The following CAND2 variants were observed in gnomAD, a reference collection of about 807,000 sequenced individuals.
CAND2 encodes the protein cullin associated and neddylation dissociated 2 (putative), also known as cullin-associated NEDD8-dissociated protein 2.
Under a neutral mutation model 98.9 loss-of-function variants are expected in CAND2, and 62 were observed. That is an observed-to-expected ratio of 0.63 (90% CI 0.51 to 0.77). The LOEUF is 0.77. Among genes scored for constraint, CAND2 ranks in the 30% least tolerant of loss-of-function variants. CAND2 has a pLI of 0.00. For synonymous variants in CAND2, 770 were observed against 731.9 expected (o/e 1.05, Z -0.84); for missense variants, 1,501 against 1,655.2 (o/e 0.91, Z 1.62).
chr3:12,827,704 C>T, intron 13 of CAND2, 100 bp downstream of exon 13: 3 of 1,148,274 alleles, frequency 2.6e-6, no homozygotes, highest in Non-Finnish European at 3.7e-6. Context: ...CTACTCCAGG[C>T]ACCCAATGAA....
intron 12 of CAND2, 25 bp downstream of exon 12, chr3:12,825,664 G>A (rs1377296176): frequency 6.3e-7 from 1 of 1,574,822 alleles, no homozygotes; most frequent in Non-Finnish European, 8.6e-7. Context: ...TGGGGACCCA[G>A]GGGAAGCTGG....
chr3:12,815,081 C>A lies in CAND2; in HGVS notation c.1007-60C>A. 1 of 1,537,308 alleles carries A rather than the reference C, an allele frequency of 6.5e-7. No homozygotes were observed. The highest frequency in any genetic ancestry group is 2.3e-5 in the East Asian group (1 of 44,082). On this transcript the variant is annotated intron_variant, in intron 7 of 14. Transcript: ENST00000456430. This position sits in a 1 kb window ranked among gnomAD's most constrained non-coding sequence, Gnocchi z 5.7. ...CTCTCTCCTCCCTGTCCCTTCTCCC[C>A]CGAGCCACAGACCTGTCCTGGGAGA...
rs376708050 is a variant in CAND2 at position 12,821,155 on chromosome 3, TC to T, written c.3040+977del. Among the ~76,000 whole-genome samples, 10 of 151,310 alleles carry T rather than the reference TC, an allele frequency of 6.6e-5. No individual in the cohort carries two copies. The East Asian group carries it at 1.6e-3, about 24-fold the overall frequency. Reference sequence around the variant, plus strand: ...AGGCTGAGGCAGGAGAATCACTTGATCCCGGGAGGTGAAGGTTGCAGTGAGC... The same window carrying T: ...AGGCTGAGGCAGGAGAATCACTTGATCCGGGAGGTGAAGGTTGCAGTGAGC... On this transcript the variant is annotated intron_variant, in intron 11 of 14. Transcript: ENST00000456430.
chr3:12,811,678 T>A (rs1023650323), intron 5 of CAND2, among the ~76,000 whole-genome samples: 3 of 152,076 alleles, frequency 2.0e-5, no homozygotes, highest in African/African-American at 7.3e-5. Flanking sequence ...TTCAAGTGAT[T>A]CTCCTGTCTC....
At chr3:12,803,693 G>A in intron 2 of CAND2, 62 bp downstream of exon 2, 1 of 1,479,158 alleles carries the variant, frequency 6.8e-7, no homozygotes, top group Non-Finnish European at 9.1e-7. Flanking sequence ...GCATCCTGGG[G>A]ACCGCTGTCC....
chr3:12,824,005 A>G (rs960681428), intron 11 of CAND2, among the ~76,000 whole-genome samples: 1 of 152,152 alleles, frequency 6.6e-6, no homozygotes, highest in Admixed American at 6.5e-5. Flanking sequence ...TAACAATTCT[A>G]AAATGTTTAA....
intron 9 of CAND2, 82 bp from the exon 10 acceptor site, chr3:12,816,292 G>A (rs2061900093): frequency 1.4e-6 from 2 of 1,381,334 alleles, no homozygotes; most frequent in South Asian, 1.3e-5. Context: ...TCAGGCACTT[G>A]TAGGTACCCC....
chr3:12,833,748 A>T lies in CAND2; in HGVS notation c.3484-7A>T. On this transcript the variant is annotated splice_region_variant and splice_polypyrimidine_tract_variant and intron_variant, in intron 14 of 14. Coordinates refer to ENST00000456430, the MANE Select transcript of CAND2 (RefSeq NM_001162499.2). ...AGGATGGCTGCTTCTGCTGTTTCCTACTTTAGGTCAAAGCTGGTTCTGTGA... is the reference window on the plus strand; with the variant it reads ...AGGATGGCTGCTTCTGCTGTTTCCTTCTTTAGGTCAAAGCTGGTTCTGTGA... 6.2e-7 allele frequency: 1 copy of T among 1,611,502 alleles called. No homozygotes were observed. The highest frequency in any genetic ancestry group is 8.5e-7 in the Non-Finnish European group (1 of 1,177,696).
chr3:12,804,638 T>A (rs1575764253), intron 2 of CAND2, among the ~76,000 whole-genome samples: 2 of 151,996 alleles, frequency 1.3e-5, no homozygotes, highest in African/African-American at 4.8e-5. Flanking sequence ...TGTGGTAGGG[T>A]CATTCTCACA....
intron 1 of CAND2, among the ~76,000 whole-genome samples, chr3:12,803,176 TA>T (rs2061779066): frequency 6.6e-6 from 1 of 152,078 alleles, no homozygotes; most frequent in Non-Finnish European, 1.5e-5. Context: ...TTTTGTTTAG[TA>T]GAGACTGGGT....
At chr3:12,833,543 G>A (rs949688981) in intron 14 of CAND2, among the ~76,000 whole-genome samples, 7 of 152,174 alleles carry the variant, frequency 4.6e-5, no homozygotes, top group African/African-American at 1.7e-4. Context: ...GATTTGAATG[G>A]CAAAGAACCT....
chr3:12,825,416 G>T, intron 11 of CAND2, 54 bp from the exon 12 acceptor site: 1 of 1,507,090 alleles, frequency 6.6e-7, no homozygotes, highest in Non-Finnish European at 9.0e-7. Flanking sequence ...GGTGAGGGAG[G>T]TGACTTTGTG....
chr3:12,825,668 A>G, intron 12 of CAND2, 29 bp downstream of exon 12: 1 of 1,575,464 alleles, frequency 6.3e-7, no homozygotes, highest in Non-Finnish European at 8.6e-7. Flanking sequence ...GACCCAGGGG[A>G]AGCTGGGGGT....
intron 11 of CAND2, 88 bp from the exon 12 acceptor site, chr3:12,825,382 G>T: frequency 7.5e-7 from 1 of 1,325,988 alleles, no homozygotes; most frequent in Non-Finnish European, 1.0e-6. Context: ...TTCTGCACGT[G>T]CACAGTAACC....
chr3:12,813,594 G>A (rs893508701), intron 7 of CAND2, among the ~76,000 whole-genome samples: 3 of 152,194 alleles, frequency 2.0e-5, no homozygotes, highest in Non-Finnish European at 4.4e-5. Flanking sequence ...TACTAGTTGT[G>A]TTCCTCACAA....
chr3:12,820,067 AC>A lies in CAND2; in HGVS notation c.2945-17del. 2 of 1,608,734 alleles carry A rather than the reference AC, an allele frequency of 1.2e-6. No homozygotes were observed. The highest frequency in any genetic ancestry group is 1.7e-6 in the Non-Finnish European group (2 of 1,175,342). On this transcript the variant is annotated intron_variant, in intron 10 of 14. Coordinates refer to ENST00000456430, the MANE Select transcript of CAND2 (RefSeq NM_001162499.2). ...ATTGGCCCCTGCCCCTCACTAACTCACCTCTTCTTGTCCTGCAGGTCGGCCA... is the reference window on the plus strand; with the variant it reads ...ATTGGCCCCTGCCCCTCACTAACTCACTCTTCTTGTCCTGCAGGTCGGCCA...
Position 12,834,687 on chromosome 3 carries a change from T to G in CAND2, c.*705T>G, listed in dbSNP as rs1351253626. ...AGGCATAACCAGTTGGTTTGTTTCC[T>G]TCTGAGGAAGGTTTCAAATGTGTCT... On this transcript the variant is annotated 3_prime_UTR_variant, in exon 15 of 15. Coordinates refer to ENST00000456430, the MANE Select transcript of CAND2 (RefSeq NM_001162499.2). The G allele has an allele frequency of 6.6e-6, 1 of 152,380 alleles. No individual in the cohort carries two copies. The highest frequency in any genetic ancestry group is 1.5e-5 in the Non-Finnish European group (1 of 68,170). The allele number at this position is 152,380 out of a possible 1,614,324, so 9.4% of individuals were successfully genotyped here.
chr3:12,818,709 G>A (rs73813591), intron 10 of CAND2, among the ~76,000 whole-genome samples: 79 of 152,316 alleles, frequency 5.2e-4, no homozygotes, highest in African/African-American at 1.8e-3. Context: ...TAACCTATGT[G>A]GTACCTACAG....
intron 1 of CAND2, among the ~76,000 whole-genome samples, chr3:12,803,016 G>GTC (rs752686324): frequency 7.0e-6 from 1 of 142,072 alleles, no homozygotes; most frequent in Non-Finnish European, 1.5e-5. Flanking sequence ...TGGAGACGGA[G>GTC]TCTCTCTCTG....
Sources: allele counts gnomAD v4.1 joint callset (sites outside exome capture counted in the v4.1 genomes callset), GRCh38; gene constraint gnomAD v4.1.1; non-coding constraint Gnocchi (gnomAD v3.1); transcripts MANE v1.5; gene names NCBI Gene and HGNC (gene_info 2026-07-23, HGNC 2026-07-21).